ELAPOR1: variants seen among roughly 807,000 people sequenced by gnomAD.
ELAPOR1 encodes the protein endosome/lysosome-associated apoptosis and autophagy regulator 1.
A neutral mutation model predicts 119.7 loss-of-function variants in ELAPOR1; 77 were observed. That is an observed-to-expected ratio of 0.64 (90% confidence interval 0.54 to 0.78). ELAPOR1 has a LOEUF of 0.78. ELAPOR1 is among the 30% of genes least tolerant of loss of function. The probability of loss-of-function intolerance (pLI) is 0.00; values close to 1 mark genes in which losing one functional copy is unlikely to be tolerated. For synonymous variants in ELAPOR1, 481 were observed against 487.2 expected (o/e 0.99, Z 0.17); for missense variants, 1,115 against 1,270.4 (o/e 0.88, Z 1.86).
chr1:109,141,148 G>A (rs770559789), intron 1 of ELAPOR1, among the ~76,000 whole-genome samples: 2 of 151,602 alleles, frequency 1.3e-5, no homozygotes, highest in African/African-American at 2.4e-5. Context: ...CATCATGCCC[G>A]GCCAAATGCA....
intron 1 of ELAPOR1, among the ~76,000 whole-genome samples, chr1:109,150,611 T>C (rs1650473768): frequency 1.3e-5 from 2 of 152,224 alleles, no homozygotes; most frequent in Admixed American, 1.3e-4. Context: ...CTTTAGCAAC[T>C]CGTTCAAGTC....
chr1:109,150,627 T>C (rs1177191744), intron 1 of ELAPOR1, among the ~76,000 whole-genome samples: 1 of 152,230 alleles, frequency 6.6e-6, no homozygotes, highest in Non-Finnish European at 1.5e-5. Context: ...AAGTCAAGAC[T>C]CTGGCATCCT....
chr1:109,130,883 G>A (rs929294635), intron 1 of ELAPOR1, among the ~76,000 whole-genome samples: 2 of 152,106 alleles, frequency 1.3e-5, no homozygotes, highest in Non-Finnish European at 1.5e-5. Flanking sequence ...TAAATCTGTA[G>A]TCTCAGCTAC....
intron 1 of ELAPOR1, among the ~76,000 whole-genome samples, chr1:109,155,593 AT>A (rs1319679098): frequency 6.6e-6 from 1 of 152,186 alleles, no homozygotes; most frequent in Non-Finnish European, 1.5e-5. Context: ...AAAATAAAAA[AT>A]AAAATATATT....
At chr1:109,129,864 A>G (rs761806015) in intron 1 of ELAPOR1, among the ~76,000 whole-genome samples, 22 of 152,262 alleles carry the variant, frequency 1.4e-4, no homozygotes, top group Non-Finnish European at 2.4e-4. Flanking sequence ...TCAACAAAGT[A>G]TCACAAACTG....
chr1:109,199,286 T>C (rs1654016621), intron 18 of ELAPOR1, among the ~76,000 whole-genome samples: 2 of 152,210 alleles, frequency 1.3e-5, no homozygotes, highest in South Asian at 4.1e-4. Context: ...TGACGGGCAC[T>C]AGCGTCTTGA....
intron 9 of ELAPOR1, among the ~76,000 whole-genome samples, chr1:109,188,583 C>A (rs1653221663): frequency 6.6e-6 from 1 of 152,176 alleles, no homozygotes; most frequent in African/African-American, 2.4e-5. Flanking sequence ...CTTGCTCCAA[C>A]TGCAAATGTG....
intron 8 of ELAPOR1, 24 bp from the exon 9 acceptor site, chr1:109,188,153 G>A (rs1286725994): frequency 6.3e-7 from 1 of 1,584,618 alleles, no homozygotes. Flanking sequence ...CACAGGCTGA[G>A]TTGTGCTTAA....
rs548069151 is a variant in ELAPOR1, at chr1:109,195,488, C to T, written c.2121+894C>T. On this transcript the variant is annotated intron_variant, in intron 15 of 21. Transcript: ENST00000369939. ...CAGCCTGGGCGACAGAGTGAGACTC[C>T]GTCTCAAAAAAAAAAAAAAACAAAA... Among the ~76,000 whole-genome samples, 537 of 90,452 alleles carry T rather than the reference C, an allele frequency of 5.9e-3. 4 individuals are homozygous for T. Among genetic ancestry groups the T allele is most frequent in the African/African-American group, 0.015 (508 of 33,428 alleles). The allele number at this position is 90,452 out of a possible 152,430, so 59.3% of individuals were successfully genotyped here. A position where few individuals can be genotyped will look rare whatever the true frequency, so the allele number is the denominator to read the frequency against.
intron 18 of ELAPOR1, among the ~76,000 whole-genome samples, chr1:109,199,220 A>G (rs1326505587): frequency 6.6e-6 from 1 of 152,202 alleles, no homozygotes; most frequent in African/African-American, 2.4e-5. Flanking sequence ...AAATTTCTAA[A>G]TGAATATGAC....
At chr1:109,153,189 CCA>C (rs1650646437) in intron 1 of ELAPOR1, among the ~76,000 whole-genome samples, 1 of 151,718 alleles carries the variant, frequency 6.6e-6, no homozygotes, top group Non-Finnish European at 1.5e-5. Context: ...TATAAATTTA[CCA>C]CATCAAAAAG....
chr1:109,127,872 T>G (rs1648893155), intron 1 of ELAPOR1, among the ~76,000 whole-genome samples: 1 of 151,184 alleles, frequency 6.6e-6, no homozygotes, highest in Non-Finnish European at 1.5e-5. Context: ...CCTGCTTTTT[T>G]TTTTTTTAAG....
intron 7 of ELAPOR1, among the ~76,000 whole-genome samples, chr1:109,179,258 C>T (rs969020769): frequency 6.0e-5 from 9 of 150,838 alleles, no homozygotes; most frequent in Non-Finnish European, 1.2e-4. Context: ...AAAAATTGGC[C>T]GGGCATGGTG....
In ELAPOR1 at chr1:109,175,952, T is replaced by C. The variant is rs1286168462; in HGVS notation, c.952+2115T>C. Among the ~76,000 whole-genome samples the C allele has an allele frequency of 2.6e-5, 4 of 152,158 alleles. No homozygotes were observed. The South Asian group carries it at 6.2e-4, about 24-fold the overall frequency. On this transcript the variant is annotated intron_variant, in intron 7 of 21. Transcript: ENST00000369939. ...TCAAAGTTAATTTCATGAGCCTATA[T>C]TGATGAACAAGAAGATTTTGATAAC...
chr1:109,184,534 A>G (rs1266375770), intron 7 of ELAPOR1, among the ~76,000 whole-genome samples: 1 of 152,246 alleles, frequency 6.6e-6, no homozygotes, highest in Non-Finnish European at 1.5e-5. Context: ...CATTCTAGGC[A>G]TATATTAGAA....
chr1:109,149,243 C>T (rs766397874), intron 1 of ELAPOR1, among the ~76,000 whole-genome samples: 3 of 151,936 alleles, frequency 2.0e-5, no homozygotes, highest in African/African-American at 4.8e-5. Flanking sequence ...TCCTTTCTCT[C>T]AGCTGGGAGA....
chr1:109,180,164 T>C (rs1244935944), intron 7 of ELAPOR1, among the ~76,000 whole-genome samples: 1 of 152,180 alleles, frequency 6.6e-6, no homozygotes, highest in Non-Finnish European at 1.5e-5. Flanking sequence ...AATTTGATCA[T>C]TAGGTTTAAT....
At chr1:109,191,984 G>C (rs1383338389) in intron 13 of ELAPOR1, 121 bp downstream of exon 13, 2 of 1,269,440 alleles carry the variant, frequency 1.6e-6, no homozygotes, top group Non-Finnish European at 2.2e-6. Context: ...ATCTCAGGGG[G>C]TCAAGCAGAA....
In ELAPOR1 at chr1:109,199,953, C is replaced by A; in HGVS notation, c.2601C>A (p.Ile867=). ...GCTCAGTGGCTGACTACCATGCTAT[C>A]GTCAGCAGCTGTGTGGCTGGGATCC... ...PLCSVADYHA[I]VSSCVAGIQK... The change falls in exon 19 of 22, where the codon ATC becomes ATA. Residue 867 remains isoleucine, a synonymous_variant. Transcript: ENST00000369939. 1 of 1,614,140 alleles carries A rather than the reference C, an allele frequency of 6.2e-7. No homozygotes were observed. Among genetic ancestry groups the A allele is most frequent in the Non-Finnish European group, 8.5e-7 (1 of 1,180,038 alleles).
Sources: allele counts gnomAD v4.1 joint callset (sites outside exome capture counted in the v4.1 genomes callset), GRCh38; gene constraint gnomAD v4.1.1; transcripts MANE v1.5; gene names NCBI Gene and HGNC (gene_info 2026-07-23, HGNC 2026-07-21).